Variants in WIF1 observed in about 807,000 individuals in gnomAD.
The protein encoded by WIF1 is Wnt inhibitory factor 1.
WIF1 carries 35 observed loss-of-function variants against 53.5 expected under a neutral mutation model. The observed-to-expected ratio is 0.65, with a 90% CI of 0.50 to 0.87. The LOEUF is 0.87. Ranked by LOEUF, WIF1 falls within the 40% of genes least tolerant of loss-of-function variation. The pLI is 0.00. For synonymous variants in WIF1, 171 were observed against 170.4 expected (o/e 1.00, Z -0.03); for missense variants, 467 against 476.8 (o/e 0.98, Z 0.19).
intron 3 of WIF1, among the ~76,000 whole-genome samples, chr12:65,069,855 G>C (rs568799703): frequency 1.3e-5 from 2 of 152,188 alleles, no homozygotes; most frequent in East Asian, 3.9e-4. Context: ...ACACCCAATG[G>C]GTTATTATAA....
intron 2 of WIF1, among the ~76,000 whole-genome samples, chr12:65,094,007 C>T (rs1883164479): frequency 6.6e-6 from 1 of 152,118 alleles, no homozygotes; most frequent in Admixed American, 6.5e-5. Context: ...TGTAATTGGA[C>T]CTTTATGAAT....
At chr12:65,094,901 CTTATTTAT>C (rs71096024) in intron 2 of WIF1, among the ~76,000 whole-genome samples, 6,713 of 134,216 alleles carry the variant, frequency 0.05, 290 homozygotes, top group East Asian at 0.18. Context: ...TCCTCTTCTT[CTTATTTAT>C]TTATTTATTT....
At chr12:65,119,974 T>C (rs112323685) in intron 2 of WIF1, among the ~76,000 whole-genome samples, 4,592 of 152,334 alleles carry the variant, frequency 0.03, 143 homozygotes, top group African/African-American at 0.079. Context: ...GTGAATAACA[T>C]TCAACATACT....
At chr12:65,111,140 T>C (rs1883424906) in intron 2 of WIF1, among the ~76,000 whole-genome samples, 1 of 152,206 alleles carries the variant, frequency 6.6e-6, no homozygotes, top group African/African-American at 2.4e-5. Context: ...AATGAGGCAC[T>C]CCTTGTTCCT....
At chr12:65,098,678 G>A (rs1025585012) in intron 2 of WIF1, among the ~76,000 whole-genome samples, 6 of 151,244 alleles carry the variant, frequency 4.0e-5, no homozygotes. Context: ...GTGTGTAATG[G>A]ATAACACAAA....
chr12:65,059,657 T>A (rs1882581316), intron 7 of WIF1, among the ~76,000 whole-genome samples: 1 of 141,100 alleles, frequency 7.1e-6, no homozygotes, highest in Non-Finnish European at 1.5e-5. Flanking sequence ...TGTTTTTTAC[T>A]TTTTTTTTTT....
intron 2 of WIF1, among the ~76,000 whole-genome samples, chr12:65,093,775 C>T (rs892086147): frequency 2.0e-5 from 3 of 152,058 alleles, no homozygotes; most frequent in Admixed American, 6.6e-5. Context: ...TAGGTGGATT[C>T]GGTTCCCGGA....
intron 2 of WIF1, among the ~76,000 whole-genome samples, chr12:65,094,435 C>A (rs1883170730): frequency 6.6e-6 from 1 of 152,098 alleles, no homozygotes; most frequent in African/African-American, 2.4e-5. Context: ...ATGTCATTAA[C>A]CACATTATCT....
chr12:65,083,470 A>G (rs1882978511), intron 2 of WIF1, among the ~76,000 whole-genome samples: 1 of 152,138 alleles, frequency 6.6e-6, no homozygotes, highest in African/African-American at 2.4e-5. Context: ...TCTGATTCTC[A>G]TATCACTTCT....
chr12:65,071,793 A>G (rs1288870307), intron 3 of WIF1, among the ~76,000 whole-genome samples: 3 of 152,192 alleles, frequency 2.0e-5, no homozygotes, highest in Non-Finnish European at 4.4e-5. Context: ...TTTGTAAAGA[A>G]CTAGGAAATA....
At chr12:65,089,193 C>T (rs184283044) in intron 2 of WIF1, among the ~76,000 whole-genome samples, 1 of 152,196 alleles carries the variant, frequency 6.6e-6, no homozygotes, top group East Asian at 1.9e-4. Flanking sequence ...TCATTATCTT[C>T]CCAATGAGGC....
chr12:65,067,494 T>G (rs191786204), intron 5 of WIF1, among the ~76,000 whole-genome samples: 11 of 152,292 alleles, frequency 7.2e-5, no homozygotes, highest in Non-Finnish European at 1.5e-4. Flanking sequence ...CAAAGTACAG[T>G]GGCTATATTT....
intron 6 of WIF1, among the ~76,000 whole-genome samples, chr12:65,065,383 C>G (rs1882672960): frequency 6.6e-6 from 1 of 152,048 alleles, no homozygotes; most frequent in Non-Finnish European, 1.5e-5. Flanking sequence ...GAATTTGGGT[C>G]AACCTACTCA....
At position 65,068,649 on chromosome 12, in the gene WIF1, A is replaced by ATGTGTG. The variant is rs10590995; in HGVS notation, c.538+109_538+114dup. 15,389 of 1,004,034 alleles carry ATGTGTG rather than the reference A, an allele frequency of 0.015. 282 individuals are homozygous for ATGTGTG. The highest frequency in any genetic ancestry group is 0.11 in the East Asian group (4,008 of 36,224). The allele number at this position is 1,004,034 out of a possible 1,614,324, so 62.2% of individuals were successfully genotyped here. A position where few individuals can be genotyped will look rare whatever the true frequency, so the allele number is the denominator to read the frequency against. On this transcript the variant is annotated intron_variant, in intron 4 of 9. Transcript: ENST00000286574. ...TTATAGAGCCATCATCCAAAAAACCATGTGTGTGTGTGTGTGTGTGTGTGT... is the reference window on the plus strand; with the variant it reads ...TTATAGAGCCATCATCCAAAAAACCATGTGTGTGTGTGTGTGTGTGTGTGTGTGTGT...
At chr12:65,070,214 T>C (rs564589116) in intron 3 of WIF1, among the ~76,000 whole-genome samples, 1 of 152,288 alleles carries the variant, frequency 6.6e-6, no homozygotes, top group African/African-American at 2.4e-5. Context: ...CAGTGTTCAT[T>C]GCTATGCCAT....
At chr12:65,062,345 G>T in intron 7 of WIF1, 136 bp downstream of exon 7, 1 of 728,154 alleles carries the variant, frequency 1.4e-6, no homozygotes, top group Non-Finnish European at 2.1e-6. Flanking sequence ...CTAGCAAAAA[G>T]AAACCACTGG....
At chr12:65,062,625 T>A in intron 6 of WIF1, 49 bp from the exon 7 acceptor site, 1 of 1,516,160 alleles carries the variant, frequency 6.6e-7, no homozygotes, top group Non-Finnish European at 9.0e-7. Flanking sequence ...AGGTTAAATC[T>A]AACACAAATT....
At chr12:65,055,053 G>T (rs1040228431) in intron 9 of WIF1, 65 bp downstream of exon 9, 4 of 1,534,486 alleles carry the variant, frequency 2.6e-6, no homozygotes, top group African/African-American at 2.7e-5. Flanking sequence ...CCCTTCTTCT[G>T]GTCTCCCACT....
At chr12:65,063,403 T>TA (rs1882642573) in intron 6 of WIF1, among the ~76,000 whole-genome samples, 1 of 152,138 alleles carries the variant, frequency 6.6e-6, no homozygotes. Flanking sequence ...TAAAGGAAAT[T>TA]AAAATGAGAG....
Sources: gnomAD v4.1 joint callset for allele counts (sites outside exome capture counted in the v4.1 genomes callset) on GRCh38, gnomAD v4.1.1 for gene constraint, MANE v1.5 for transcripts, NCBI Gene and HGNC (gene_info 2026-07-23, HGNC 2026-07-21) for gene names.